ZNF695: variants seen among roughly 807,000 people sequenced by gnomAD.
ZNF695 encodes zinc finger protein SBZF3.
Under a neutral mutation model 11.2 loss-of-function variants are expected in ZNF695, and 11 were observed. That is an observed-to-expected ratio of 0.98 (90% confidence interval 0.62 to 1.62). ZNF695 has a LOEUF of 1.62. ZNF695 is among the 40% of genes most tolerant of loss of function. ZNF695 has a pLI of 0.00. For missense variants in ZNF695, 559 were observed against 590.5 expected, an observed-to-expected ratio of 0.95 and a Z score of 0.55; for synonymous variants, 190 against 201.4, an observed-to-expected ratio of 0.94 and a Z score of 0.48.
At chr1:246,993,427 C>CA (rs1198181677) in intron 3 of ZNF695, among the ~76,000 whole-genome samples, 2 of 151,288 alleles carry the variant, frequency 1.3e-5, no homozygotes, top group African/African-American at 4.9e-5. Flanking sequence ...AACAAACAAA[C>CA]AAACAAAAAA....
chr1:246,992,859 G>A (rs530714822), intron 3 of ZNF695, among the ~76,000 whole-genome samples: 1 of 152,162 alleles, frequency 6.6e-6, no homozygotes, highest in South Asian at 2.1e-4. Flanking sequence ...GTAAACTTCC[G>A]ACTTCTCCCT....
intron 3 of ZNF695, among the ~76,000 whole-genome samples, chr1:246,992,680 C>T (rs905722281): frequency 6.6e-6 from 1 of 152,102 alleles, no homozygotes; most frequent in Non-Finnish European, 1.5e-5. Context: ...ACACTATGCA[C>T]CCACAAATTT....
intron 5 of ZNF695, among the ~76,000 whole-genome samples, chr1:246,957,177 T>A (rs1668022609): frequency 6.6e-6 from 1 of 152,098 alleles, no homozygotes; most frequent in Non-Finnish European, 1.5e-5. Context: ...GGTCAAGAGA[T>A]GGAGACCATC....
downstream of ZNF695, among the ~76,000 whole-genome samples, chr1:246,984,739 T>A (rs1295563048): frequency 6.6e-6 from 1 of 152,026 alleles, no homozygotes; most frequent in African/African-American, 2.4e-5. Context: ...AATGGAAAAA[T>A]GGAAATGTAC....
At chr1:247,005,997 G>A (rs1316346963) in intron 1 of ZNF695, among the ~76,000 whole-genome samples, 3 of 152,092 alleles carry the variant, frequency 2.0e-5, no homozygotes, top group Non-Finnish European at 2.9e-5. Flanking sequence ...AGGCCGAGGC[G>A]GGAGGATCAC....
chr1:246,984,681 T>G (rs546347475), downstream of ZNF695, among the ~76,000 whole-genome samples: 2 of 152,072 alleles, frequency 1.3e-5, no homozygotes, highest in Non-Finnish European at 2.9e-5. Context: ...CTCAATTAAG[T>G]GAAAGAAACA....
intron 5 of ZNF695, among the ~76,000 whole-genome samples, chr1:246,958,870 T>G (rs573157298): frequency 6.6e-6 from 1 of 152,170 alleles, no homozygotes; most frequent in South Asian, 2.1e-4. Context: ...TGCTATTGGT[T>G]TAAGAAAGCG....
At chr1:246,975,009 C>T (rs187791857) in intron 4 of ZNF695, among the ~76,000 whole-genome samples, 3 of 152,262 alleles carry the variant, frequency 2.0e-5, no homozygotes, top group East Asian at 3.9e-4. Flanking sequence ...TCTTCCCTTC[C>T]GAGCCTCATG....
rs373905705 is a variant in ZNF695, at chr1:247,000,019, C to T, written c.59G>A (p.Cys20Tyr). 15 of 1,614,064 alleles carry T rather than the reference C, an allele frequency of 9.3e-6. No homozygotes were observed. Among genetic ancestry groups the T allele is most frequent in the Non-Finnish European group, 1.2e-5 (14 of 1,180,004 alleles). ...CAAACTCCGCTGAGCTGGGTCCAGG[C>T]ATTCCCACTCCTCTGGAGAGAATTC... is the stretch of plus-strand genomic sequence containing the variant. ...ALEFSPEEWE[C>Y]LDPAQRSLYR... is the part of the protein sequence containing the mutation. The change falls in exon 2 of 4, where the codon TGC becomes TAC. Residue 20 changes from cysteine to tyrosine, a missense_variant. By Grantham distance (194) the Cys-to-Tyr change is radical. Coordinates refer to ENST00000339986, the MANE Select transcript of ZNF695 (RefSeq NM_020394.5).
chr1:246,998,977 AATAT>A (rs6143721), intron 3 of ZNF695, among the ~76,000 whole-genome samples: 179 of 144,310 alleles, frequency 1.2e-3, no homozygotes, highest in African/African-American at 3.1e-3. Context: ...CAAGAAAACA[AATAT>A]ATATATATAT....
chr1:246,952,852 G>A (rs1005915564), intron 5 of ZNF695, among the ~76,000 whole-genome samples: 3 of 151,722 alleles, frequency 2.0e-5, no homozygotes, highest in African/African-American at 7.3e-5. Context: ...GCTGAGGCAG[G>A]AGGATCACTT....
At chr1:246,982,892 T>C (rs1668745421), downstream of ZNF695, among the ~76,000 whole-genome samples, 1 of 151,518 alleles carries the variant, frequency 6.6e-6, no homozygotes, top group Admixed American at 6.6e-5. Context: ...CAATTATCAA[T>C]GGTGTCTTTT....
chr1:246,983,035 C>T (rs1668752800), downstream of ZNF695, among the ~76,000 whole-genome samples: 1 of 151,578 alleles, frequency 6.6e-6, no homozygotes, highest in South Asian at 2.1e-4. Context: ...AACCCTGTCT[C>T]TACTGAAAAT....
At chr1:246,966,504 A>G (rs1018790633) in intron 5 of ZNF695, among the ~76,000 whole-genome samples, 1 of 151,722 alleles carries the variant, frequency 6.6e-6, no homozygotes, top group African/African-American at 2.4e-5. Flanking sequence ...ATTCAAAGTG[A>G]GACGGCACAG....
rs1469148660 is a variant in ZNF695 at position 246,987,252 on chromosome 1, T to G, written c.1263A>C (p.Ser421=). 1 of 1,614,046 alleles carries G rather than the reference T, an allele frequency of 6.2e-7. No individual in the cohort carries two copies. Among genetic ancestry groups the G allele is most frequent in the South Asian group, 1.1e-5 (1 of 91,082 alleles). Residue 421 remains serine (S), a synonymous_variant, in exon 4 of 4, where the codon TCA becomes TCC. Coordinates refer to ENST00000339986, the MANE Select transcript of ZNF695 (RefSeq NM_020394.5). ...EECGKAFTWF[S]YLTQHKRIHT... is the part of the protein sequence containing the mutation. ...GAATTCTCTTATGTTGAGTAAGGTATGAAAACCAGGTAAAAGCTTTGCCAC... is the reference window on the plus strand; with the variant it reads ...GAATTCTCTTATGTTGAGTAAGGTAGGAAAACCAGGTAAAAGCTTTGCCAC...
chr1:246,983,986 C>T (rs920115926), downstream of ZNF695, among the ~76,000 whole-genome samples: 1 of 151,410 alleles, frequency 6.6e-6, no homozygotes, highest in East Asian at 1.9e-4. Flanking sequence ...AAAACCTCAT[C>T]TCTACTAAAA....
chr1:246,985,654 T>C lies in ZNF695; in HGVS notation c.*1313A>G. 2.0e-6 allele frequency: 2 copies of C among 985,398 alleles called. No homozygotes were observed. The highest frequency in any genetic ancestry group is 2.4e-6 in the Non-Finnish European group (2 of 829,892). 61.0% of individuals were successfully genotyped at this position (985,398 alleles called of 1,614,324 possible). A position where few individuals can be genotyped will look rare whatever the true frequency, so the allele number is the denominator to read the frequency against. ...AAGTTCAAACAGTCTAAAAAGAGCA[T>C]TTCAAAATCCACTGAATTTTATTAC... On this transcript the variant is annotated 3_prime_UTR_variant, in exon 4 of 4. Transcript: ENST00000339986.
chr1:246,965,964 CTTT>C (rs1023129811), intron 5 of ZNF695, among the ~76,000 whole-genome samples: 13 of 150,948 alleles, frequency 8.6e-5, no homozygotes, highest in Non-Finnish European at 1.8e-4. Context: ...ATATATATAT[CTTT>C]TTATAAATCA....
chr1:247,003,232 CTAAA>C (rs757553706), intron 1 of ZNF695, among the ~76,000 whole-genome samples: 6 of 152,136 alleles, frequency 3.9e-5, no homozygotes, highest in Non-Finnish European at 5.9e-5. Flanking sequence ...CAACAATGGA[CTAAA>C]TAAATAAAAT....
Sources: gnomAD v4.1 joint callset for allele counts (sites outside exome capture counted in the v4.1 genomes callset) on GRCh38, gnomAD v4.1.1 for gene constraint, MANE v1.5 for transcripts, NCBI Gene and HGNC (gene_info 2026-07-23, HGNC 2026-07-21) for gene names.